DCBLD1: variants seen among roughly 807,000 people sequenced by gnomAD.
DCBLD1 encodes discoidin, CUB and LCCL domain containing 1.
A neutral mutation model predicts 71.5 loss-of-function variants in DCBLD1; 57 were observed. The ratio of observed to expected loss-of-function variants is 0.80; its 90% confidence interval spans 0.64 to 0.99. DCBLD1 has a LOEUF of 0.99. Among genes scored for constraint, DCBLD1 ranks in the 50% least tolerant of loss-of-function variants. The pLI is 0.00. For synonymous variants in DCBLD1, 380 were observed against 363.8 expected, an observed-to-expected ratio of 1.04 and a Z score of -0.51; for missense variants, 891 against 923.5, an observed-to-expected ratio of 0.96 and a Z score of 0.46.
chr6:117,567,099 A>G, intron 14 of DCBLD1: 1 of 1,277,068 alleles, frequency 7.8e-7, no homozygotes, highest in Non-Finnish European at 1.1e-6. Flanking sequence ...AGGATTTCCA[A>G]ATTCTTTGTG....
chr6:117,509,425 T>A (rs878880236), intron 2 of DCBLD1, among the ~76,000 whole-genome samples: 2 of 152,130 alleles, frequency 1.3e-5, no homozygotes, highest in African/African-American at 4.8e-5. Flanking sequence ...ACGGAGACAC[T>A]GTCTCAAAAT....
At chr6:117,499,240 C>CAAAAAAAA (rs71012362) in intron 1 of DCBLD1, among the ~76,000 whole-genome samples, 21 of 108,724 alleles carry the variant, frequency 1.9e-4, no homozygotes, top group African/African-American at 6.9e-4. Context: ...CCATCTCTAC[C>CAAAAAAAA]AAAAAAAAAA....
intron 14 of DCBLD1, among the ~76,000 whole-genome samples, chr6:117,567,324 T>G (rs913968160): frequency 1.6e-4 from 24 of 152,140 alleles, no homozygotes; most frequent in Admixed American, 1.6e-3. Context: ...ATTATTAAAT[T>G]TATAGAATTT....
chr6:117,540,543 G>A, intron 9 of DCBLD1, 125 bp from the exon 10 acceptor site: 1 of 1,169,142 alleles, frequency 8.6e-7, no homozygotes, highest in Non-Finnish European at 1.2e-6. Flanking sequence ...TATCAAGAGT[G>A]TCTAGAAAAA....
rs763420611 is a variant in DCBLD1, at chr6:117,519,962, G to T, written c.460+12G>T. ...CAGCGACCATCCAGGTATAACGGAA[G>T]AATCAACACAAATCTCTAAATGTTA... On this transcript the variant is annotated intron_variant, in intron 3 of 14. Coordinates refer to ENST00000338728, the MANE Select transcript of DCBLD1 (RefSeq NM_001366458.2). 6.2e-7 allele frequency: 1 copy of T among 1,612,856 alleles called. No individual in the cohort carries two copies. Among genetic ancestry groups the T allele is most frequent in the East Asian group, 2.2e-5 (1 of 44,846 alleles).
intron 14 of DCBLD1, chr6:117,563,440 G>GTTTATT: frequency 6.3e-7 from 1 of 1,579,126 alleles, no homozygotes; most frequent in Non-Finnish European, 8.6e-7. Context: ...AGTTGGTTTT[G>GTTTATT]GTCAGGTGCA....
chr6:117,517,687 C>A (rs1384457835), intron 2 of DCBLD1, among the ~76,000 whole-genome samples: 1 of 152,226 alleles, frequency 6.6e-6, no homozygotes, highest in East Asian at 1.9e-4. Context: ...CATGCACCTG[C>A]AGGCTCAACA....
At chr6:117,489,226 T>C (rs1435360348) in intron 1 of DCBLD1, among the ~76,000 whole-genome samples, 1 of 152,148 alleles carries the variant, frequency 6.6e-6, no homozygotes, top group African/African-American at 2.4e-5. Flanking sequence ...GAGAAGCATG[T>C]GCATCACATA....
chr6:117,545,915 C>T (rs767632510), intron 14 of DCBLD1, among the ~76,000 whole-genome samples: 31 of 152,194 alleles, frequency 2.0e-4, no homozygotes, highest in Non-Finnish European at 4.1e-4. Context: ...TACAGAGGGG[C>T]TGAAAGGAGG....
At chr6:117,523,394 A>G (rs1376258535) in intron 4 of DCBLD1, among the ~76,000 whole-genome samples, 1 of 152,260 alleles carries the variant, frequency 6.6e-6, no homozygotes, top group Non-Finnish European at 1.5e-5. Flanking sequence ...TTCGTTTGAC[A>G]GCAAAATTGG....
chr6:117,532,778 C>G (rs1482313411), intron 6 of DCBLD1, among the ~76,000 whole-genome samples: 1 of 152,166 alleles, frequency 6.6e-6, no homozygotes, highest in Non-Finnish European at 1.5e-5. Flanking sequence ...ACTGAGCTCC[C>G]TAGAACACTC....
intron 3 of DCBLD1, 98 bp from the exon 4 acceptor site, chr6:117,521,427 C>A: frequency 9.5e-7 from 1 of 1,048,736 alleles, no homozygotes; most frequent in Non-Finnish European, 1.4e-6. Flanking sequence ...TGAATAAATG[C>A]TTTTTAAAAA....
intron 2 of DCBLD1, among the ~76,000 whole-genome samples, chr6:117,512,257 AC>A (rs1374981068): frequency 2.0e-5 from 3 of 152,166 alleles, no homozygotes; most frequent in African/African-American, 7.2e-5. Context: ...AAGGAAAGCC[AC>A]ACCTTTGTCT....
Position 117,499,240 on chromosome 6 carries a change from C to CAAAA in DCBLD1, c.113-4513_113-4510dup, listed in dbSNP as rs71012362. On this transcript the variant is annotated intron_variant, in intron 1 of 14. Coordinates refer to ENST00000338728, the MANE Select transcript of DCBLD1 (RefSeq NM_001366458.2). ...GACATAGTGTGGCCCCCATCTCTAC[C>CAAAA]AAAAAAAAAAAAAAAAATCTGCCAG... is the stretch of plus-strand genomic sequence containing the variant. 9.2e-5 allele frequency among the ~76,000 whole-genome samples: 10 copies of CAAAA among 108,734 alleles called. 1 individual carries two copies. The highest frequency in any genetic ancestry group is 2.2e-4 in the African/African-American group (5 of 23,082). 71.3% of individuals were successfully genotyped at this position (108,734 alleles called of 152,430 possible). A position where few individuals can be genotyped will look rare whatever the true frequency, so the allele number is the denominator to read the frequency against.
At chr6:117,519,757 A>G in intron 2 of DCBLD1, 59 bp from the exon 3 acceptor site, 1 of 1,579,866 alleles carries the variant, frequency 6.3e-7, no homozygotes, top group Non-Finnish European at 8.7e-7. Context: ...AATGCCATAT[A>G]CCAGTCATTT....
chr6:117,559,077 A>G (rs1480594180), intron 14 of DCBLD1, among the ~76,000 whole-genome samples: 3 of 152,192 alleles, frequency 2.0e-5, no homozygotes, highest in South Asian at 2.1e-4. Flanking sequence ...TAGATAAACT[A>G]TACTCACCAA....
In DCBLD1 at chr6:117,547,711, A is replaced by C. The variant is rs1339895894; in HGVS notation, c.1616-196A>C. 3.5e-6 allele frequency: 4 copies of C among 1,143,908 alleles called. No individual in the cohort carries two copies. In the African/African-American group the frequency reaches 4.6e-5, roughly 13 times the overall value. 70.9% of individuals were successfully genotyped at this position (1,143,908 alleles called of 1,614,324 possible). A position where few individuals can be genotyped will look rare whatever the true frequency, so the allele number is the denominator to read the frequency against. ...GAAGACCCTGCGAAGCTTCCTGAGC[A>C]GGCGGTGCGGTTGTGTACTGCCTGC... On this transcript the variant is annotated intron_variant, in intron 14 of 14. Coordinates refer to ENST00000338728, the MANE Select transcript of DCBLD1 (RefSeq NM_001366458.2).
chr6:117,548,257 C>T lies in DCBLD1; in HGVS notation c.1966C>T (p.His656Tyr). 6.4e-7 allele frequency: 1 copy of T among 1,550,664 alleles called. No individual in the cohort carries two copies. Reference protein sequence around the residue: ...GAQDGDYQRPHSAQPADRGYD... With the variant: ...GAQDGDYQRPYSAQPADRGYD... ...CCAGGACGGAGACTATCAAAGGCCA[C>T]ACAGCGCACAGCCTGCGGACAGGGG... Residue 656 changes from histidine (H) to tyrosine (Y), a missense_variant, in exon 15 of 15, where the codon CAC becomes TAC. By Grantham distance (83) the His-to-Tyr change is moderately conservative (BLOSUM62 2). Transcript: ENST00000338728.
chr6:117,532,511 G>A, intron 6 of DCBLD1, 118 bp downstream of exon 6: 1 of 1,296,122 alleles, frequency 7.7e-7, no homozygotes, highest in Non-Finnish European at 1.0e-6. Context: ...TTGTCAACTG[G>A]AAAAATATGC....
Sources: allele counts gnomAD v4.1 joint callset (sites outside exome capture counted in the v4.1 genomes callset), GRCh38; gene constraint gnomAD v4.1.1; transcripts MANE v1.5; gene names NCBI Gene and HGNC (gene_info 2026-07-23, HGNC 2026-07-21).